Variants in WWOX observed in about 807,000 individuals in gnomAD.
WWOX encodes WW domain-containing oxidoreductase.
Under a neutral mutation model 46.2 loss-of-function variants are expected in WWOX, and 69 were observed. The observed-to-expected ratio is 1.49, with a 90% confidence interval of 1.23 to 1.82. WWOX has a LOEUF of 1.82. Among genes scored for constraint, WWOX ranks in the 40% most tolerant of loss-of-function variants. The pLI, the probability that WWOX is intolerant of heterozygous loss-of-function variation, is 0.00. For missense variants in WWOX, 919 were observed against 542.6 expected, an observed-to-expected ratio of 1.69 and a Z score of -6.89; for synonymous variants, 359 against 202.6, an observed-to-expected ratio of 1.77 and a Z score of -6.56.
At chr16:78,722,698 G>GTTTTTTTTTTTTTT (rs56266240) in intron 8 of WWOX, among the ~76,000 whole-genome samples, 1 of 116,310 alleles carries the variant, frequency 8.6e-6, no homozygotes, top group African/African-American at 3.2e-5. Flanking sequence ...GTTTGTCTCT[G>GTTTTTTTTTTTTTT]TTTTTTTTTT....
chr16:78,758,187 T>A (rs1334959383), intron 8 of WWOX, among the ~76,000 whole-genome samples: 1 of 152,208 alleles, frequency 6.6e-6, no homozygotes, highest in African/African-American at 2.4e-5. Flanking sequence ...TCAATATGAT[T>A]TGCCACATAT....
intron 5 of WWOX, among the ~76,000 whole-genome samples, chr16:78,361,521 G>C (rs1007516863): frequency 6.6e-6 from 1 of 152,154 alleles, no homozygotes; most frequent in Non-Finnish European, 1.5e-5. Context: ...TGCTTGGCTA[G>C]TGGTGACTAT....
intron 8 of WWOX, among the ~76,000 whole-genome samples, chr16:78,924,133 C>T (rs1406671787): frequency 1.3e-5 from 2 of 151,988 alleles, no homozygotes; most frequent in Non-Finnish European, 2.9e-5. Flanking sequence ...AACTATTAAT[C>T]CATAGACAAG....
At chr16:78,508,857 C>T (rs1227002292) in intron 8 of WWOX, among the ~76,000 whole-genome samples, 4 of 152,230 alleles carry the variant, frequency 2.6e-5, no homozygotes, top group Admixed American at 6.5e-5. Flanking sequence ...TCCTTGGTCT[C>T]TGTCAAACCT....
Position 79,210,593 on chromosome 16 carries a change from G to C in WWOX, c.1057-1015G>C, listed in dbSNP as rs1336629602. On this transcript the variant is annotated intron_variant, in intron 8 of 8. Transcript: ENST00000566780. ...TCTCCCTCTCATCAGCTGAAAATTA[G>C]TGGATGCAGCTAGGGCTCTGAAACA... Among the ~76,000 whole-genome samples the C allele has an allele frequency of 1.3e-5, 2 of 152,154 alleles. 1 individual carries two copies. The highest frequency in any genetic ancestry group is 4.8e-5 in the African/African-American group (2 of 41,408).
At position 79,193,640 on chromosome 16, in the gene WWOX, C is replaced by T. The variant is rs144212800; in HGVS notation, c.1057-17968C>T. On this transcript the variant is annotated intron_variant, in intron 8 of 8. Coordinates refer to ENST00000566780, the MANE Select transcript of WWOX (RefSeq NM_016373.4). ...TTTAAAAATATTGCAAATTGACCCT[C>T]GCACATCTTTTCTTACTGCCGGTCA... Among the ~76,000 whole-genome samples the T allele has an allele frequency of 3.5e-3, 540 of 152,304 alleles. 4 individuals are homozygous for T. Among genetic ancestry groups the T allele is most frequent in the Non-Finnish European group, 4.6e-3 (316 of 68,038 alleles).
chr16:78,807,479 A>G (rs1406108111), intron 8 of WWOX, among the ~76,000 whole-genome samples: 1 of 152,238 alleles, frequency 6.6e-6, no homozygotes, highest in Non-Finnish European at 1.5e-5. Flanking sequence ...AATGACAGCT[A>G]TAACATCAAG....
At chr16:79,153,633 C>T (rs183571719) in intron 8 of WWOX, among the ~76,000 whole-genome samples, 51 of 152,260 alleles carry the variant, frequency 3.3e-4, no homozygotes, top group Non-Finnish European at 5.7e-4. Flanking sequence ...ATTTTGTGGT[C>T]ACCATATTAA....
Position 78,434,852 on chromosome 16 carries a change from C to T in WWOX, c.1056+2100C>T, listed in dbSNP as rs115098061. On this transcript the variant is annotated intron_variant, in intron 8 of 8. Transcript: ENST00000566780. ...ATAGAAAATAGTGGAAACTGTTATT[C>T]TGTGGCCTGATCCCATTGCTTAGGG... Among the ~76,000 whole-genome samples the T allele has an allele frequency of 5.6e-3, 845 of 152,242 alleles. 5 individuals carry two copies. Among genetic ancestry groups the T allele is most frequent in the African/African-American group, 0.019 (803 of 41,540 alleles).
At chr16:78,881,487 T>C (rs1374904049) in intron 8 of WWOX, among the ~76,000 whole-genome samples, 1 of 152,204 alleles carries the variant, frequency 6.6e-6, no homozygotes, top group Non-Finnish European at 1.5e-5. Flanking sequence ...GACTAGAAAA[T>C]TAAATATTCA....
intron 8 of WWOX, among the ~76,000 whole-genome samples, chr16:79,159,189 A>T (rs930356935): frequency 6.6e-6 from 1 of 152,254 alleles, no homozygotes; most frequent in Admixed American, 6.5e-5. Flanking sequence ...AAAGTTAAAA[A>T]GGTCACTGTA....
intron 5 of WWOX, among the ~76,000 whole-genome samples, chr16:78,371,645 C>G: frequency 6.6e-6 from 1 of 151,992 alleles, no homozygotes; most frequent in East Asian, 1.9e-4. Flanking sequence ...TATATTCTTG[C>G]TTAATTATTT....
At chr16:78,977,740 G>T (rs73567314) in intron 8 of WWOX, among the ~76,000 whole-genome samples, 1 of 152,098 alleles carries the variant, frequency 6.6e-6, no homozygotes. Context: ...CTGCAAGTCT[G>T]TGACCGTCCT....
At chr16:78,269,813 T>G (rs1286754556) in intron 5 of WWOX, among the ~76,000 whole-genome samples, 2 of 152,124 alleles carry the variant, frequency 1.3e-5, no homozygotes, top group African/African-American at 4.8e-5. Flanking sequence ...CTCAGGCTGT[T>G]TGAAAACACA....
At chr16:78,703,617 T>G (rs1772764693) in intron 8 of WWOX, among the ~76,000 whole-genome samples, 2 of 151,766 alleles carry the variant, frequency 1.3e-5, no homozygotes. Flanking sequence ...AGATGCTGTT[T>G]TGTTTTTGTT....
At chr16:78,541,543 C>G (rs553028975) in intron 8 of WWOX, among the ~76,000 whole-genome samples, 1 of 142,734 alleles carries the variant, frequency 7.0e-6, no homozygotes, top group Admixed American at 7.0e-5. Flanking sequence ...CAGAAATACA[C>G]TGAGATATCT....
intron 8 of WWOX, among the ~76,000 whole-genome samples, chr16:78,723,604 TTTCTTTTCTTTTC>T (rs1219571446): frequency 5.2e-4 from 14 of 26,792 alleles, no homozygotes; most frequent in African/African-American, 3.1e-3. Flanking sequence ...TTTCTTTTCT[TTTCTTTTCTTTTC>T]TTTTCTTTTC....
chr16:78,591,492 G>A (rs1223121390), intron 8 of WWOX, among the ~76,000 whole-genome samples: 2 of 152,134 alleles, frequency 1.3e-5, no homozygotes. Context: ...CTATTACATG[G>A]AGCCTCACTT....
intron 8 of WWOX, chr16:78,899,180 A>G (rs182971213): frequency 6.6e-6 from 1 of 152,250 alleles, no homozygotes; most frequent in East Asian, 1.9e-4. Context: ...TCTCTATTAT[A>G]TGTGATGCTA....
Sources: allele counts gnomAD v4.1 joint callset (sites outside exome capture counted in the v4.1 genomes callset), GRCh38; gene constraint gnomAD v4.1.1; transcripts MANE v1.5; gene names NCBI Gene and HGNC (gene_info 2026-07-23, HGNC 2026-07-21).